The following RGS7 variants were observed in gnomAD, a reference collection of about 807,000 sequenced individuals.
RGS7 encodes the protein regulator of G protein signaling 7, also known as regulator of G-protein signaling 7.
RGS7 carries 27 observed loss-of-function variants against 81.1 expected under a neutral mutation model. The ratio of observed to expected loss-of-function variants is 0.33; its 90% CI spans 0.25 to 0.46. The LOEUF (loss-of-function observed/expected upper bound fraction) is 0.46. Among genes scored for constraint, RGS7 ranks in the 20% least tolerant of loss-of-function variants. The pLI is 1.00. For missense variants in RGS7, 396 were observed against 607.4 expected (o/e 0.65, Z 3.66); for synonymous variants, 208 against 207.7 (o/e 1.00, Z -0.01).
chr1:240,816,603 G>GA (rs1226517604), intron 10 of RGS7, among the ~76,000 whole-genome samples, 188 bp from the exon 11 acceptor site: 1 of 152,216 alleles, frequency 6.6e-6, no homozygotes, highest in African/African-American at 2.4e-5. Flanking sequence ...GCACAGCTCG[G>GA]AAAAAATGTG....
chr1:240,825,433 T>C (rs182226912), intron 10 of RGS7, among the ~76,000 whole-genome samples: 1 of 152,344 alleles, frequency 6.6e-6, no homozygotes, highest in East Asian at 1.9e-4. Flanking sequence ...TGTGAGAAGC[T>C]ACATTTATCA....
intron 4 of RGS7, among the ~76,000 whole-genome samples, chr1:240,968,244 G>A (rs889436711): frequency 6.6e-5 from 10 of 152,198 alleles, no homozygotes; most frequent in African/African-American, 2.4e-4. Flanking sequence ...GTAAGCCTCA[G>A]GCCTTTGAAA....
chr1:241,341,354 A>T (rs577054542), intron 2 of RGS7, among the ~76,000 whole-genome samples: 1 of 152,332 alleles, frequency 6.6e-6, no homozygotes, highest in African/African-American at 2.4e-5. Context: ...AAGTGAAAAT[A>T]ATTAATAACA....
chr1:241,051,050 C>T (rs1384637880), intron 3 of RGS7, among the ~76,000 whole-genome samples: 1 of 152,092 alleles, frequency 6.6e-6, no homozygotes, highest in Non-Finnish European at 1.5e-5. Flanking sequence ...ATGAGGGTCT[C>T]TACTTGTACT....
rs147128513 is a variant in RGS7, at chr1:241,180,210, C to T, written c.79-81448G>A. The stretch of plus-strand genomic sequence containing the variant: ...CACAGTGAAACCCTGTCTCTCTCTA[C>T]TAAAAATACAAAAAATTAGCCGGGC... On this transcript the variant is annotated intron_variant, in intron 2 of 18. Coordinates refer to ENST00000440928, the MANE Select transcript of RGS7 (RefSeq NM_001364886.1). Among the ~76,000 whole-genome samples, 1,098 of 152,122 alleles carry T rather than the reference C, an allele frequency of 7.2e-3. 17 individuals carry two copies. Among genetic ancestry groups the T allele is most frequent in the African/African-American group, 0.026 (1,061 of 41,498 alleles).
chr1:241,193,201 C>A (rs2072813238), intron 2 of RGS7, among the ~76,000 whole-genome samples: 2 of 152,238 alleles, frequency 1.3e-5, no homozygotes, highest in South Asian at 2.1e-4. Context: ...AACTCCTAAG[C>A]TAATTTTGAA....
chr1:241,215,699 A>G (rs896756425), intron 2 of RGS7, among the ~76,000 whole-genome samples: 3 of 152,218 alleles, frequency 2.0e-5, no homozygotes, highest in African/African-American at 7.2e-5. Flanking sequence ...CTCGTAGGGG[A>G]AAAAAACAGT....
At chr1:240,785,242 G>T (rs1287596287) in intron 18 of RGS7, among the ~76,000 whole-genome samples, 1 of 152,136 alleles carries the variant, frequency 6.6e-6, no homozygotes, top group Non-Finnish European at 1.5e-5. Flanking sequence ...CCCACGAAGT[G>T]GTTCTTTGGC....
intron 4 of RGS7, among the ~76,000 whole-genome samples, chr1:240,982,463 T>C (rs1024251270): frequency 2.7e-5 from 4 of 150,486 alleles, no homozygotes; most frequent in Non-Finnish European, 5.9e-5. Context: ...TTAAATGCTT[T>C]GCATATGTAG....
At chr1:241,237,685 A>T (rs1473065872) in intron 2 of RGS7, among the ~76,000 whole-genome samples, 1 of 152,188 alleles carries the variant, frequency 6.6e-6, no homozygotes, top group Non-Finnish European at 1.5e-5. Context: ...CCAGAAGAAG[A>T]AAGGGGCGTG....
At chr1:241,277,362 G>C (rs1374251774) in intron 2 of RGS7, among the ~76,000 whole-genome samples, 2 of 152,208 alleles carry the variant, frequency 1.3e-5, no homozygotes, top group Non-Finnish European at 2.9e-5. Flanking sequence ...GCTCACGCCT[G>C]TAATCCCAGC....
chr1:241,082,295 A>C (rs1323263676), intron 3 of RGS7, among the ~76,000 whole-genome samples: 2 of 152,228 alleles, frequency 1.3e-5, no homozygotes, highest in African/African-American at 4.8e-5. Flanking sequence ...AAAATGGCAA[A>C]TTCACATGTT....
At chr1:241,174,648 C>A (rs2070969724) in intron 2 of RGS7, among the ~76,000 whole-genome samples, 1 of 152,222 alleles carries the variant, frequency 6.6e-6, no homozygotes, top group East Asian at 1.9e-4. Context: ...GAGGAAACAG[C>A]TAGTGGATCC....
At position 241,090,331 on chromosome 1, in the gene RGS7, C is replaced by T. The variant is rs75305767; in HGVS notation, c.175+8335G>A. ...GGGATAAGAAGAGTCAAGGCGACCC[C>T]GGCATTTCTGGCATGTGCAATTTTT... On this transcript the variant is annotated intron_variant, in intron 3 of 18. Transcript: ENST00000440928. Among the ~76,000 whole-genome samples the T allele has an allele frequency of 7.0e-3, 1,065 of 152,186 alleles. 20 individuals are homozygous for T. The highest frequency in any genetic ancestry group is 0.024 in the African/African-American group (1,004 of 41,540).
chr1:241,318,128 C>T (rs1252826498), intron 2 of RGS7, among the ~76,000 whole-genome samples: 1 of 152,058 alleles, frequency 6.6e-6, no homozygotes, highest in African/African-American at 2.4e-5. Flanking sequence ...GAGGTCCTAA[C>T]CAGAGAGTAA....
intron 3 of RGS7, among the ~76,000 whole-genome samples, chr1:241,013,700 C>G (rs1463952750): frequency 6.6e-6 from 1 of 152,186 alleles, no homozygotes; most frequent in Non-Finnish European, 1.5e-5. Flanking sequence ...GCAAATATGT[C>G]TCTTCCCACT....
At chr1:241,143,339 T>C (rs2068066639) in intron 2 of RGS7, among the ~76,000 whole-genome samples, 1 of 152,190 alleles carries the variant, frequency 6.6e-6, no homozygotes, top group South Asian at 2.1e-4. Context: ...CTGCCGATAA[T>C]GACATACCTG....
chr1:240,812,016 T>G lies in RGS7; in HGVS notation c.984A>C (p.Lys328Asn), dbSNP rs1388918247. The change falls in exon 14 of 19, where the codon AAA becomes AAC. Residue 328 changes from lysine (K) to asparagine (N), a missense_variant. Coordinates refer to ENST00000440928, the MANE Select transcript of RGS7 (RefSeq NM_001364886.1). ...ASKEPSQQRV[K>N]RWGFGMDEAL... is the part of the protein sequence containing the mutation. Reference sequence around the variant, plus strand: ...CCTCGTCCATGCCAAAACCCCATCGTTTTACCCTCTGCTGGCTCGGTTCTT... The same window carrying G: ...CCTCGTCCATGCCAAAACCCCATCGGTTTACCCTCTGCTGGCTCGGTTCTT... 2 of 1,614,146 alleles carry G rather than the reference T, an allele frequency of 1.2e-6. No individual in the cohort carries two copies. The highest frequency in any genetic ancestry group is 1.7e-6 in the Non-Finnish European group (2 of 1,180,024).
intron 2 of RGS7, among the ~76,000 whole-genome samples, chr1:241,204,400 G>T (rs1382684324): frequency 1.3e-5 from 2 of 152,180 alleles, no homozygotes; most frequent in Non-Finnish European, 2.9e-5. Flanking sequence ...GATGTGGTGT[G>T]CAAGTTCTTA....
Sources: gnomAD v4.1 joint callset for allele counts (sites outside exome capture counted in the v4.1 genomes callset) on GRCh38, gnomAD v4.1.1 for gene constraint, MANE v1.5 for transcripts, NCBI Gene and HGNC (gene_info 2026-07-23, HGNC 2026-07-21) for gene names.